DNAH3: variants seen among roughly 807,000 people sequenced by gnomAD.
The protein encoded by DNAH3 is dynein axonemal heavy chain 3, also known as axonemal beta dynein heavy chain 3.
A neutral mutation model predicts 432.5 loss-of-function variants in DNAH3; 332 were observed. That is an observed-to-expected ratio of 0.77 (90% CI 0.70 to 0.84). DNAH3 has a LOEUF of 0.84. Among genes scored for constraint, DNAH3 ranks in the 40% least tolerant of loss-of-function variants. The pLI is 0.00. For synonymous variants in DNAH3, 1,956 were observed against 1,900.2 expected (o/e 1.03, Z -0.76); for missense variants, 4,861 against 5,114.0 (o/e 0.95, Z 1.51).
At position 20,975,567 on chromosome 16, in the gene DNAH3, A is replaced by T. The variant is rs73534329; in HGVS notation, c.8077-152T>A. 450 of 749,948 alleles carry T rather than the reference A, an allele frequency of 6.0e-4. 3 individuals carry two copies. The African/African-American group carries it at 6.6e-3, about 11-fold the overall frequency. The allele number at this position is 749,948 out of a possible 1,614,324, so 46.5% of individuals were successfully genotyped here. ...CTGGGTACAGATTCGTTTCCTAGTG[A>T]TTATCTCATAGGTTTTTCAACACAG... On this transcript the variant is annotated intron_variant, in intron 50 of 61. Transcript: ENST00000261383.
intron 44 of DNAH3, among the ~76,000 whole-genome samples, chr16:20,992,020 T>C (rs2086580000): frequency 6.6e-6 from 1 of 152,232 alleles, no homozygotes; most frequent in Non-Finnish European, 1.5e-5. Context: ...AGTGGTACAT[T>C]TCATACAAGA....
chr16:20,981,214 A>C (rs894291474), intron 49 of DNAH3, among the ~76,000 whole-genome samples: 1 of 152,218 alleles, frequency 6.6e-6, no homozygotes, highest in Non-Finnish European at 1.5e-5. Flanking sequence ...GCCTACATTC[A>C]TAACTGGAGG....
At chr16:21,085,372 C>T (rs1336186015) in intron 19 of DNAH3, among the ~76,000 whole-genome samples, 2 of 151,686 alleles carry the variant, frequency 1.3e-5, no homozygotes, top group South Asian at 2.1e-4. Context: ...GGTGAAACCC[C>T]ATCTCTACTA....
intron 43 of DNAH3, among the ~76,000 whole-genome samples, chr16:20,998,487 A>T (rs1199028671): frequency 6.6e-6 from 1 of 152,110 alleles, no homozygotes; most frequent in Non-Finnish European, 1.5e-5. Flanking sequence ...TCCTGACCTC[A>T]GGTGATCCAC....
chr16:21,048,019 A>G (rs376200020), intron 31 of DNAH3, among the ~76,000 whole-genome samples: 320 of 152,202 alleles, frequency 2.1e-3, no homozygotes, highest in East Asian at 0.015. Flanking sequence ...CACTTGAGGA[A>G]GCAGTCTGCC....
intron 59 of DNAH3, among the ~76,000 whole-genome samples, chr16:20,939,004 C>T (rs1309683479): frequency 6.6e-6 from 1 of 152,088 alleles, no homozygotes; most frequent in East Asian, 1.9e-4. Context: ...AGCAATCTGC[C>T]TGCCTCAGCC....
chr16:21,006,184 T>C (rs2087294960), intron 41 of DNAH3, among the ~76,000 whole-genome samples: 1 of 152,236 alleles, frequency 6.6e-6, no homozygotes, highest in Admixed American at 6.5e-5. Context: ...CTAAGCAATA[T>C]AGTAGATGTC....
At chr16:21,127,889 G>A in intron 7 of DNAH3, 77 bp from the exon 9 acceptor site, 1 of 1,522,668 alleles carries the variant, frequency 6.6e-7, no homozygotes, top group Non-Finnish European at 9.0e-7. Flanking sequence ...TTCCAAGGGT[G>A]TGTGTTCACG....
intron 5 of DNAH3, among the ~76,000 whole-genome samples, chr16:21,137,312 G>A (rs1051112867): frequency 2.0e-5 from 3 of 149,174 alleles, no homozygotes; most frequent in Non-Finnish European, 3.0e-5. Flanking sequence ...AAATGGCCTC[G>A]AATCACATAC....
intron 18 of DNAH3, among the ~76,000 whole-genome samples, chr16:21,091,992 A>G (rs2091549231): frequency 6.6e-6 from 1 of 152,222 alleles, no homozygotes; most frequent in South Asian, 2.1e-4. Context: ...GAGATATTCC[A>G]TAATCATGGA....
chr16:20,964,009 A>G (rs146677475), exon 53 of DNAH3: 1,121 of 1,614,194 alleles, frequency 6.9e-4, no homozygotes, highest in Non-Finnish European at 9.1e-4. Context: ...CTTGTAGCCC[A>G]TCCGAGTCTC....
At chr16:21,086,128 C>T (rs1331880013) in intron 19 of DNAH3, among the ~76,000 whole-genome samples, 1 of 152,126 alleles carries the variant, frequency 6.6e-6, no homozygotes, top group Non-Finnish European at 1.5e-5. Flanking sequence ...AAGCCATTTT[C>T]ACTTCTAATT....
At chr16:20,968,749 C>T (rs1171263130) in intron 52 of DNAH3, among the ~76,000 whole-genome samples, 4 of 151,872 alleles carry the variant, frequency 2.6e-5, no homozygotes, top group Non-Finnish European at 5.9e-5. Context: ...ATGTCTCTCT[C>T]CCTCTAATTT....
At chr16:21,112,026 C>T (rs148819655) in exon 13 of DNAH3, 2 of 1,613,856 alleles carry the variant, frequency 1.2e-6, no homozygotes, top group Non-Finnish European at 1.7e-6. Flanking sequence ...GATTTTCTTT[C>T]AGGAACGCAG....
exon 40 of DNAH3, chr16:21,022,010 G>A (rs775697987): frequency 2.5e-6 from 4 of 1,614,026 alleles, no homozygotes; most frequent in Non-Finnish European, 3.4e-6. Flanking sequence ...GAGAAGGCAA[G>A]GTGGATGGGA....
At chr16:21,125,142 CT>C in intron 9 of DNAH3, 32 bp downstream of exon 10, 9 of 1,540,098 alleles carry the variant, frequency 5.8e-6, no homozygotes, top group Non-Finnish European at 7.9e-6. Context: ...GGTTATTCCC[CT>C]CAAAAGGTCC....
In DNAH3 at chr16:21,016,846, G is replaced by A. The variant is rs1215096338; in HGVS notation, c.6022+2778C>T. Among the ~76,000 whole-genome samples, 6 of 152,150 alleles carry A rather than the reference G, an allele frequency of 3.9e-5. No individual in the cohort carries two copies. In the East Asian group the frequency reaches 7.7e-4, roughly 20 times the overall value. ...GCCTTAAGAAAGGAAATTCTGACAC[G>A]TGCTACAACATGGATGAACGCCGAA... On this transcript the variant is annotated intron_variant, in intron 41 of 61. Transcript: ENST00000261383.
chr16:21,071,171 T>C (rs1045197501), intron 21 of DNAH3, among the ~76,000 whole-genome samples: 2 of 152,050 alleles, frequency 1.3e-5, no homozygotes, highest in African/African-American at 4.8e-5. Context: ...GCCTCCTGAA[T>C]AGCTGGGATT....
In DNAH3 at chr16:21,125,172, T is replaced by G. The variant is rs1330898376; in HGVS notation, c.1404+3A>C. ...AAGGTCCAAATGCAGGTCCCTGACT[T>G]ACTTTGTGTATCATGAAAAGGGAAA... On this transcript the variant is annotated splice_donor_region_variant and intron_variant, in intron 9 of 61. Transcript: ENST00000261383. The G allele has an allele frequency of 1.0e-5, 16 of 1,595,090 alleles. No homozygotes were observed. Among genetic ancestry groups the G allele is most frequent in the Non-Finnish European group, 1.4e-5 (16 of 1,168,630 alleles).
Sources: allele counts gnomAD v4.1 joint callset (sites outside exome capture counted in the v4.1 genomes callset), GRCh38; gene constraint gnomAD v4.1.1; transcripts MANE v1.5; gene names NCBI Gene and HGNC (gene_info 2026-07-23, HGNC 2026-07-21).